Variants in BBS4 observed in about 807,000 individuals in gnomAD.
BBS4 encodes the protein Bardet-Biedl syndrome 4.
Under a neutral mutation model 71.4 loss-of-function variants are expected in BBS4, and 58 were observed. The ratio of observed to expected loss-of-function variants is 0.81; its 90% CI spans 0.66 to 1.01. The LOEUF (loss-of-function observed/expected upper bound fraction) is 1.01. Among genes scored for constraint, BBS4 ranks in the 50% least tolerant of loss-of-function variants. The pLI is 0.00. For synonymous variants in BBS4, 228 were observed against 216.8 expected (o/e 1.05, Z -0.46); for missense variants, 660 against 607.9 (o/e 1.09, Z -0.90).
At chr15:72,736,694 AAAG>A in intron 14 of BBS4, 65 bp from the exon 15 acceptor site, 1 of 1,525,910 alleles carries the variant, frequency 6.6e-7, no homozygotes, top group Non-Finnish European at 9.1e-7. Context: ...CTCGAAGACC[AAAG>A]AAGTGGGTTG....
intron 1 of BBS4, among the ~76,000 whole-genome samples, chr15:72,694,187 T>A (rs1314630986): frequency 2.1e-5 from 2 of 93,308 alleles, no homozygotes; most frequent in Non-Finnish European, 4.2e-5. Context: ...GTCTGGCCTT[T>A]CTTTCCTTTT....
chr15:72,726,092 T>C (rs982088246), intron 8 of BBS4, among the ~76,000 whole-genome samples: 2 of 148,962 alleles, frequency 1.3e-5, no homozygotes, highest in African/African-American at 5.0e-5. Flanking sequence ...CTTTCTTTTC[T>C]TCCTTTCTTC....
rs1252088050 is a variant in BBS4 at position 72,736,038 on chromosome 15, A to G, written c.1248+72A>G. 5.1e-6 allele frequency: 8 copies of G among 1,554,910 alleles called. No homozygotes were observed. In the Admixed American group the frequency reaches 1.2e-4, roughly 23 times the overall value. Reference sequence around the variant, plus strand: ...GACTTTTAAAAATCAAGCCCAGATCATCCAAATCCAAGGTATTACACGTTC... The same window carrying G: ...GACTTTTAAAAATCAAGCCCAGATCGTCCAAATCCAAGGTATTACACGTTC... On this transcript the variant is annotated intron_variant, in intron 14 of 15. Coordinates refer to ENST00000268057, the MANE Select transcript of BBS4 (RefSeq NM_033028.5).
At chr15:72,691,182 A>G (rs2064977058) in intron 1 of BBS4, among the ~76,000 whole-genome samples, 1 of 152,056 alleles carries the variant, frequency 6.6e-6, no homozygotes, top group Non-Finnish European at 1.5e-5. Context: ...GGGTTTTGCC[A>G]TGTTGCCCAG....
intron 6 of BBS4, among the ~76,000 whole-genome samples, chr15:72,720,272 G>GC (rs1357418236): frequency 4.0e-5 from 6 of 151,722 alleles, no homozygotes; most frequent in Admixed American, 3.9e-4. Flanking sequence ...GATCACTTGA[G>GC]CCCAGGAGTC....
intron 15 of BBS4, 179 bp downstream of exon 15, chr15:72,737,142 C>A: frequency 1.3e-6 from 1 of 749,388 alleles, no homozygotes; most frequent in Non-Finnish European, 2.2e-6. Context: ...TTAAGGCGAG[C>A]TATGTAGTAG....
chr15:72,697,135 G>A (rs573128943), intron 2 of BBS4, among the ~76,000 whole-genome samples: 40 of 152,206 alleles, frequency 2.6e-4, no homozygotes, highest in Admixed American at 2.1e-3. Flanking sequence ...GTTTCACCAC[G>A]TTGGCCAGGC....
intron 1 of BBS4, among the ~76,000 whole-genome samples, chr15:72,688,411 C>CTTTTTTTTTTTTTTTTTTTTTTTTGT (rs58644289): frequency 1.2e-5 from 1 of 83,052 alleles, no homozygotes. Context: ...GGTATTTTAT[C>CTTTTTTTTTTTTTTTTTTTTTTTTGT]TTTTTTTTTT....
At chr15:72,728,726 A>G (rs1281571159) in intron 9 of BBS4, among the ~76,000 whole-genome samples, 1 of 152,110 alleles carries the variant, frequency 6.6e-6, no homozygotes, top group African/African-American at 2.4e-5. Flanking sequence ...TGTCCCCTCA[A>G]CATTCCTGAA....
At chr15:72,698,983 A>T (rs753523600) in intron 2 of BBS4, among the ~76,000 whole-genome samples, 1 of 152,206 alleles carries the variant, frequency 6.6e-6, no homozygotes, top group Non-Finnish European at 1.5e-5. Context: ...GTAGTTACCA[A>T]ATCTCACTAT....
At chr15:72,697,278 G>C (rs921340180) in intron 2 of BBS4, among the ~76,000 whole-genome samples, 1 of 152,164 alleles carries the variant, frequency 6.6e-6, no homozygotes, top group African/African-American at 2.4e-5. Flanking sequence ...TCATCCTTAA[G>C]TATTAACGGG....
In BBS4 at chr15:72,738,396, C is replaced by T; in HGVS notation, c.*809C>T. The T allele has an allele frequency of 2.4e-6, 1 of 417,146 alleles. No individual in the cohort carries two copies. The highest frequency in any genetic ancestry group is 1.8e-5 in the South Asian group (1 of 56,624). The allele number at this position is 417,146 out of a possible 1,614,324, so 25.8% of individuals were successfully genotyped here. A position where few individuals can be genotyped will look rare whatever the true frequency, so the allele number is the denominator to read the frequency against. ...TGTGTCCTTTTTAGAATAAAGATTA[C>T]ATATCATCATTCCTTTGGGGAAAAT... On this transcript the variant is annotated 3_prime_UTR_variant, in exon 16 of 16. Coordinates refer to ENST00000268057, the MANE Select transcript of BBS4 (RefSeq NM_033028.5).
At chr15:72,692,613 G>GATCTATCTGTCTTAAACTGGAGAATTGCA (rs1446075551) in intron 1 of BBS4, among the ~76,000 whole-genome samples, 3 of 149,946 alleles carry the variant, frequency 2.0e-5, no homozygotes, top group African/African-American at 2.5e-5. Context: ...ACACCTGGCT[G>GATCTATCTGTCTTAAACTGGAGAATTGCA]TTTGTTTGTT....
intron 1 of BBS4, among the ~76,000 whole-genome samples, chr15:72,687,151 G>A (rs897684674): frequency 2.6e-3 from 31 of 11,834 alleles, no homozygotes; most frequent in African/African-American, 6.3e-3. Flanking sequence ...GAGTGTCGCT[G>A]TTGTCGGCCC....
At chr15:72,708,525 A>G (rs2151014704) in intron 2 of BBS4, among the ~76,000 whole-genome samples, 1 of 152,254 alleles carries the variant, frequency 6.6e-6, no homozygotes, top group South Asian at 2.1e-4. Flanking sequence ...TGATTGTAAA[A>G]CGTGTGTTTG....
intron 2 of BBS4, among the ~76,000 whole-genome samples, chr15:72,705,957 A>C (rs2065257656): frequency 6.6e-6 from 1 of 152,108 alleles, no homozygotes; most frequent in Admixed American, 6.5e-5. Flanking sequence ...ATTTTCTTTT[A>C]GACTACTTAG....
intron 3 of BBS4, among the ~76,000 whole-genome samples, chr15:72,710,279 C>T (rs1357014460): frequency 5.9e-5 from 8 of 135,426 alleles, no homozygotes; most frequent in African/African-American, 2.2e-4. Flanking sequence ...TGGCTCATTG[C>T]AGCCTTTGTC....
At chr15:72,735,624 C>G in intron 13 of BBS4, 1 of 698,534 alleles carries the variant, frequency 1.4e-6, no homozygotes, top group Non-Finnish European at 2.5e-6. Flanking sequence ...AGATTTGGTC[C>G]CAATACCAGC....
rs542621292 is a variant in BBS4, at chr15:72,738,330, T to C, written c.*743T>C. ...TTAGATGAGTAATTGTTATTGAAGA[T>C]AGTCAGTGATAACCACTGACCAGAT... On this transcript the variant is annotated 3_prime_UTR_variant, in exon 16 of 16. Coordinates refer to ENST00000268057, the MANE Select transcript of BBS4 (RefSeq NM_033028.5). 2.0e-5 allele frequency: 9 copies of C among 454,106 alleles called. No homozygotes were observed. Among genetic ancestry groups the C allele is most frequent in the South Asian group, 1.1e-4 (7 of 64,474 alleles). 28.1% of individuals were successfully genotyped at this position (454,106 alleles called of 1,614,324 possible). A position where few individuals can be genotyped will look rare whatever the true frequency, so the allele number is the denominator to read the frequency against.
Sources: allele counts gnomAD v4.1 joint callset (sites outside exome capture counted in the v4.1 genomes callset), GRCh38; gene constraint gnomAD v4.1.1; transcripts MANE v1.5; gene names NCBI Gene and HGNC (gene_info 2026-07-23, HGNC 2026-07-21).